Variants in SLC18B1 observed in about 807,000 individuals in gnomAD.
SLC18B1 encodes solute carrier family 18 member B1.
A neutral mutation model predicts 53.9 loss-of-function variants in SLC18B1; 62 were observed. That is an observed-to-expected ratio of 1.15 (90% CI 0.94 to 1.42). The LOEUF is 1.42. Ranked by LOEUF, SLC18B1 falls within the 40% of genes most tolerant of loss-of-function variation. The pLI, the probability that SLC18B1 is intolerant of heterozygous loss-of-function variation, is 0.00. For synonymous variants in SLC18B1, 217 were observed against 200.9 expected, an observed-to-expected ratio of 1.08 and a Z score of -0.68; for missense variants, 598 against 547.3, an observed-to-expected ratio of 1.09 and a Z score of -0.93.
Position 132,792,288 on chromosome 6 carries a change from A to AAGG in SLC18B1, c.184-2017_184-2016insCCT, listed in dbSNP as rs1781557457. Among the ~76,000 whole-genome samples, 69 of 39,922 alleles carry AAGG rather than the reference A, an allele frequency of 1.7e-3. 6 individuals carry two copies. Among genetic ancestry groups the AAGG allele is most frequent in the Non-Finnish European group, 2.4e-3 (50 of 21,048 alleles). 26.2% of individuals were successfully genotyped at this position (39,922 alleles called of 152,430 possible). A position where few individuals can be genotyped will look rare whatever the true frequency, so the allele number is the denominator to read the frequency against. On this transcript the variant is annotated intron_variant, in intron 2 of 13. Coordinates refer to ENST00000275227, the MANE Select transcript of SLC18B1 (RefSeq NM_052831.3). ...GAAAGAAAGAAAGAAAGAAAGGAAG[A>AAGG]AAGGAAGGAAGGAAGGAAGGAAGGA...
At chr6:132,797,642 A>T (rs1159263962) in intron 1 of SLC18B1, among the ~76,000 whole-genome samples, 7 of 152,222 alleles carry the variant, frequency 4.6e-5, no homozygotes, top group African/African-American at 1.2e-4. Flanking sequence ...AAACAAAAAC[A>T]AAAAACAAAG....
At chr6:132,792,211 G>C (rs926618491) in intron 2 of SLC18B1, among the ~76,000 whole-genome samples, 1 of 137,970 alleles carries the variant, frequency 7.2e-6, no homozygotes, top group Admixed American at 7.3e-5. Context: ...CTGGGTGACA[G>C]AGCAAGACAC....
rs891534497 is a variant in SLC18B1, at chr6:132,774,367, A to T, written c.898-54T>A. On this transcript the variant is annotated intron_variant, in intron 8 of 13. Transcript: ENST00000275227. ...ATTCTTAGAGGCAAAGACCCTCCAT[A>T]ATCAAACAACGTAAAACATTAGTAA... 3.6e-6 allele frequency: 5 copies of T among 1,371,678 alleles called. No individual in the cohort carries two copies. In the Admixed American group the frequency reaches 9.4e-5, roughly 26 times the overall value. 85.0% of individuals were successfully genotyped at this position (1,371,678 alleles called of 1,614,324 possible). A position where few individuals can be genotyped will look rare whatever the true frequency, so the allele number is the denominator to read the frequency against.
At chr6:132,797,998 G>C (rs1395204534) in intron 1 of SLC18B1, among the ~76,000 whole-genome samples, 1 of 150,636 alleles carries the variant, frequency 6.6e-6, no homozygotes, top group Admixed American at 6.6e-5. Context: ...TTGCAGTCCA[G>C]AAGGAAAAAA....
At chr6:132,773,296 G>T in intron 9 of SLC18B1, among the ~76,000 whole-genome samples, 1 of 128,746 alleles carries the variant, frequency 7.8e-6, no homozygotes, top group South Asian at 3.0e-4. Context: ...GGGGGTGGGG[G>T]GGAATTCATC....
chr6:132,789,747 A>C lies in SLC18B1; in HGVS notation c.353+17T>G, dbSNP rs769773321. 3 of 1,576,210 alleles carry C rather than the reference A, an allele frequency of 1.9e-6. No homozygotes were observed. Among genetic ancestry groups the C allele is most frequent in the East Asian group, 4.5e-5 (2 of 44,626 alleles). ...AAATCTGTTCAAGCTCCCAAATATA[A>C]TCAGAAAATGACTTACCCAAAGAGA... On this transcript the variant is annotated intron_variant, in intron 4 of 13. Transcript: ENST00000275227.
intron 13 of SLC18B1, 76 bp downstream of exon 13, chr6:132,770,814 T>C (rs1582851063): frequency 1.5e-6 from 2 of 1,341,798 alleles, no homozygotes; most frequent in East Asian, 2.3e-5. Context: ...GAAGAATAAA[T>C]GTAAAATGTT....
At chr6:132,776,101 T>G (rs577229358) in intron 8 of SLC18B1, among the ~76,000 whole-genome samples, 2 of 152,334 alleles carry the variant, frequency 1.3e-5, no homozygotes, top group South Asian at 4.1e-4. Flanking sequence ...ATTTATTTTT[T>G]TTTAAGCATA....
At chr6:132,791,872 A>G (rs775222502) in intron 2 of SLC18B1, among the ~76,000 whole-genome samples, 9 of 152,132 alleles carry the variant, frequency 5.9e-5, no homozygotes, top group Non-Finnish European at 7.3e-5. Flanking sequence ...CTACATTTCT[A>G]CTACACACGG....
chr6:132,792,283 GGAAGA>G lies in SLC18B1; in HGVS notation c.184-2016_184-2012del, dbSNP rs1328152130. ...AGAAAGAAAGAAAGAAAGAAAGAAAGGAAGAAAGGAAGGAAGGAAGGAAGGAAGGA... is the reference window on the plus strand; with the variant it reads ...AGAAAGAAAGAAAGAAAGAAAGAAAGAAGGAAGGAAGGAAGGAAGGAAGGA... On this transcript the variant is annotated intron_variant, in intron 2 of 13. Transcript: ENST00000275227. Among the ~76,000 whole-genome samples the G allele has an allele frequency of 9.6e-4, 47 of 49,024 alleles. 1 individual carries two copies. The highest frequency in any genetic ancestry group is 2.0e-3 in the African/African-American group (16 of 7,878). 32.2% of individuals were successfully genotyped at this position (49,024 alleles called of 152,430 possible). A position where few individuals can be genotyped will look rare whatever the true frequency, so the allele number is the denominator to read the frequency against.
At chr6:132,786,906 C>A (rs1395031388) in intron 5 of SLC18B1, among the ~76,000 whole-genome samples, 1 of 152,098 alleles carries the variant, frequency 6.6e-6, no homozygotes, top group Admixed American at 6.5e-5. Flanking sequence ...AATATCATGC[C>A]ACCAGGATCT....
At chr6:132,791,353 T>G (rs1023495758) in intron 2 of SLC18B1, among the ~76,000 whole-genome samples, 1 of 152,220 alleles carries the variant, frequency 6.6e-6, no homozygotes, top group African/African-American at 2.4e-5. Flanking sequence ...CTCTTCAACA[T>G]CCATTCTCTA....
intron 4 of SLC18B1, chr6:132,789,336 C>T (rs1015172913): frequency 1.3e-5 from 2 of 158,118 alleles, no homozygotes; most frequent in African/African-American, 4.8e-5. Flanking sequence ...GCTAGGGGTC[C>T]CCTTGCCACC....
At chr6:132,798,058 T>C (rs578022972) in intron 1 of SLC18B1, among the ~76,000 whole-genome samples, 1 of 152,218 alleles carries the variant, frequency 6.6e-6, no homozygotes, top group Non-Finnish European at 1.5e-5. Context: ...AAAATGTTTG[T>C]AGTAGATGAG....
In SLC18B1 at chr6:132,785,117, CAG is replaced by C. The variant is rs1491166544; in HGVS notation, c.502-1030_502-1029del. On this transcript the variant is annotated intron_variant, in intron 5 of 13. Coordinates refer to ENST00000275227, the MANE Select transcript of SLC18B1 (RefSeq NM_052831.3). ...TTGTTCTCGTGCTCTCTCTCTCTCT[CAG>C]TGTGTGTGTGTGTGTGTGTGTGTGT... Among the ~76,000 whole-genome samples, 32 of 138,628 alleles carry C rather than the reference CAG, an allele frequency of 2.3e-4. No individual in the cohort carries two copies. The South Asian group carries it at 2.9e-3, about 13-fold the overall frequency. 90.9% of individuals were successfully genotyped at this position (138,628 alleles called of 152,430 possible). A position where few individuals can be genotyped will look rare whatever the true frequency, so the allele number is the denominator to read the frequency against.
At chr6:132,785,914 A>G (rs1411368931) in intron 5 of SLC18B1, among the ~76,000 whole-genome samples, 1 of 149,930 alleles carries the variant, frequency 6.7e-6, no homozygotes, top group Non-Finnish European at 1.5e-5. Context: ...AAAAAAAAAA[A>G]AAGAAAGAAA....
At chr6:132,776,104 T>A (rs1201002858) in intron 8 of SLC18B1, among the ~76,000 whole-genome samples, 3 of 152,172 alleles carry the variant, frequency 2.0e-5, no homozygotes, top group African/African-American at 7.2e-5. Context: ...TATTTTTTTT[T>A]AAGCATAAGA....
Position 132,770,908 on chromosome 6 carries a change from T to A in SLC18B1, c.1286A>T (p.Glu429Val), listed in dbSNP as rs1371707101. Reference protein sequence around the residue: ...GLAMGLFYLLEYSRRKRSKSQ... With the variant: ...GLAMGLFYLLVYSRRKRSKSQ... The stretch of plus-strand genomic sequence containing the variant: ...ACCATACCTTTTTCTCCTTGAATAC[T>A]CCAGTAGATAAAACAAGCCCATGGC... The change falls in exon 13 of 14, where the codon GAG (glutamate) becomes GTG (valine). Residue 429 changes from glutamate to valine, a missense_variant. Physicochemically the swap from Glu to Val is moderately radical, Grantham distance 121. Coordinates refer to ENST00000275227, the MANE Select transcript of SLC18B1 (RefSeq NM_052831.3). 2.5e-6 allele frequency: 4 copies of A among 1,612,176 alleles called. No homozygotes were observed. In the Admixed American group the frequency reaches 6.7e-5, roughly 27 times the overall value.
In SLC18B1 at chr6:132,798,606, G is replaced by T. The variant is rs1781760828; in HGVS notation, c.-150C>A. 5 of 804,036 alleles carry T rather than the reference G, an allele frequency of 6.2e-6. No homozygotes were observed. Among genetic ancestry groups the T allele is most frequent in the African/African-American group, 3.6e-5 (2 of 55,454 alleles). The allele number at this position is 804,036 out of a possible 1,614,324, so 49.8% of individuals were successfully genotyped here. On this transcript the variant is annotated 5_prime_UTR_variant, in exon 1 of 14. Coordinates refer to ENST00000275227, the MANE Select transcript of SLC18B1 (RefSeq NM_052831.3). ...CTCCCTGCAGGCAGCGATCCGCCCG[G>T]CCCGGAGCTCCCCAAAGCCTTCCAG... is the stretch of plus-strand genomic sequence containing the variant.
Sources: allele counts gnomAD v4.1 joint callset (sites outside exome capture counted in the v4.1 genomes callset), GRCh38; gene constraint gnomAD v4.1.1; transcripts MANE v1.5; gene names NCBI Gene and HGNC (gene_info 2026-07-23, HGNC 2026-07-21).